Variants in CSMD1 observed in about 807,000 individuals in gnomAD.
CSMD1 encodes the protein CUB and Sushi multiple domains 1.
Under a neutral mutation model 417.5 loss-of-function variants are expected in CSMD1, and 213 were observed. The observed-to-expected ratio is 0.51, with a 90% CI of 0.46 to 0.57. CSMD1 has a LOEUF of 0.57. CSMD1 is among the 20% of genes least tolerant of loss of function. CSMD1 has a pLI of 0.00. For missense variants in CSMD1, 6,923 were observed against 4,529.7 expected, an observed-to-expected ratio of 1.53 and a Z score of -15.17; for synonymous variants, 2,862 against 1,736.8, an observed-to-expected ratio of 1.65 and a Z score of -16.11.
chr8:3,286,678 T>C lies in CSMD1; in HGVS notation c.3951-2332A>G, dbSNP rs184418044. 1.4e-3 allele frequency among the ~76,000 whole-genome samples: 207 copies of C among 147,934 alleles called. 2 individuals are homozygous for C. Among genetic ancestry groups the C allele is most frequent in the African/African-American group, 4.7e-3 (193 of 41,096 alleles). On this transcript the variant is annotated intron_variant, in intron 25 of 69. Transcript: ENST00000635120. The stretch of plus-strand genomic sequence containing the variant: ...CACCCACTTATTGAAGGGGTTGTTT[T>C]TTTCTTGTAAATTTGTTAGAGTTCA...
intron 12 of CSMD1, among the ~76,000 whole-genome samples, chr8:3,456,269 G>A (rs1198459421): frequency 1.3e-5 from 2 of 151,838 alleles, no homozygotes; most frequent in African/African-American, 2.4e-5. Flanking sequence ...TAGGTGGGGC[G>A]ATGCCTTGCC....
chr8:3,873,271 C>G (rs181579734), intron 5 of CSMD1, among the ~76,000 whole-genome samples: 2 of 152,164 alleles, frequency 1.3e-5, no homozygotes, highest in African/African-American at 4.8e-5. Context: ...CACTGCAGCT[C>G]TATTCACAAT....
intron 5 of CSMD1, among the ~76,000 whole-genome samples, chr8:3,864,643 G>A (rs774423945): frequency 1.7e-4 from 26 of 151,942 alleles, no homozygotes; most frequent in African/African-American, 5.1e-4. Context: ...AACAGGCCCC[G>A]GTGTGTGATG....
At position 4,253,739 on chromosome 8, in the gene CSMD1, T is replaced by C. The variant is rs146874715; in HGVS notation, c.415+166214A>G. 5.8e-3 allele frequency among the ~76,000 whole-genome samples: 882 copies of C among 151,358 alleles called. 10 individuals are homozygous for C. Among genetic ancestry groups the C allele is most frequent in the African/African-American group, 0.021 (845 of 41,204 alleles). ...TTAACTACACACATCAATTTTCTGGTTGTTCAATTATATACTTGAAAAAAA... is the reference window on the plus strand; with the variant it reads ...TTAACTACACACATCAATTTTCTGGCTGTTCAATTATATACTTGAAAAAAA... On this transcript the variant is annotated intron_variant, in intron 3 of 69. Transcript: ENST00000635120.
intron 3 of CSMD1, among the ~76,000 whole-genome samples, chr8:4,411,669 C>A (rs184688611): frequency 2.7e-4 from 41 of 152,276 alleles, no homozygotes; most frequent in Admixed American, 4.6e-4. Context: ...TCACAATTCA[C>A]ATTTTCTCCT....
At chr8:4,078,099 C>G (rs1250160983) in intron 3 of CSMD1, among the ~76,000 whole-genome samples, 1 of 152,096 alleles carries the variant, frequency 6.6e-6, no homozygotes, top group Non-Finnish European at 1.5e-5. Context: ...AGAGAGAAAT[C>G]TTCAAATAAT....
At chr8:4,846,467 G>A (rs570072718) in intron 1 of CSMD1, among the ~76,000 whole-genome samples, 1 of 152,154 alleles carries the variant, frequency 6.6e-6, no homozygotes, top group Non-Finnish European at 1.5e-5. Context: ...CTCTGTCTTG[G>A]TTGACTGAGC....
intron 4 of CSMD1, among the ~76,000 whole-genome samples, chr8:4,010,394 C>A (rs1816452349): frequency 6.6e-6 from 1 of 152,158 alleles, no homozygotes. Flanking sequence ...AGCCTCTTCA[C>A]CTCTACCTCT....
At chr8:3,181,466 T>A (rs149961606) in intron 36 of CSMD1, among the ~76,000 whole-genome samples, 2 of 152,198 alleles carry the variant, frequency 1.3e-5, no homozygotes, top group Non-Finnish European at 2.9e-5. Flanking sequence ...AAAACTCCTA[T>A]TGTAGCATGA....
chr8:3,625,387 G>C (rs908258699), intron 7 of CSMD1, among the ~76,000 whole-genome samples: 9 of 151,978 alleles, frequency 5.9e-5, no homozygotes, highest in Middle Eastern at 3.4e-3. Flanking sequence ...CATTTTCCAA[G>C]TGTTTAACTT....
chr8:3,531,468 G>A (rs1797978364), intron 10 of CSMD1, among the ~76,000 whole-genome samples: 2 of 152,018 alleles, frequency 1.3e-5, no homozygotes, highest in Admixed American at 1.3e-4. Context: ...AATATAAAAG[G>A]TGATCCTGTC....
chr8:4,742,168 C>T (rs1162909473), intron 1 of CSMD1, among the ~76,000 whole-genome samples: 2 of 150,954 alleles, frequency 1.3e-5, no homozygotes, highest in Non-Finnish European at 3.0e-5. Flanking sequence ...GTAGCTGGGA[C>T]TACAGGCGCC....
intron 2 of CSMD1, among the ~76,000 whole-genome samples, chr8:4,547,358 A>T (rs531626980): frequency 4.6e-4 from 70 of 152,328 alleles, no homozygotes; most frequent in African/African-American, 1.5e-3. Flanking sequence ...GAACTTTCTA[A>T]AACACGTATC....
intron 3 of CSMD1, among the ~76,000 whole-genome samples, chr8:4,131,582 G>C (rs1232447495): frequency 6.6e-6 from 1 of 151,928 alleles, no homozygotes; most frequent in Non-Finnish European, 1.5e-5. Flanking sequence ...TTGATAAACT[G>C]CATAGTCCCT....
intron 5 of CSMD1, among the ~76,000 whole-genome samples, chr8:3,897,083 T>A (rs1807420996): frequency 6.6e-6 from 1 of 152,170 alleles, no homozygotes; most frequent in Non-Finnish European, 1.5e-5. Context: ...TTTCCGAATG[T>A]TCCTTTCAAT....
chr8:3,354,883 A>AGATATGTCTATCTATAGATCTATCTATC (rs1808657041), intron 21 of CSMD1, among the ~76,000 whole-genome samples: 1 of 150,102 alleles, frequency 6.7e-6, no homozygotes, highest in African/African-American at 2.4e-5. Flanking sequence ...ATATATCTAT[A>AGATATGTCTATCTATAGATCTATCTATC]GATATGTCTA....
At chr8:3,992,667 G>C (rs891310507) in intron 5 of CSMD1, among the ~76,000 whole-genome samples, 10 of 152,128 alleles carry the variant, frequency 6.6e-5, no homozygotes, top group African/African-American at 1.9e-4. Flanking sequence ...TGTAGTCCCA[G>C]ATACAAGGAA....
At chr8:3,308,268 A>C in intron 24 of CSMD1, 44 bp downstream of exon 24, 24 of 1,474,966 alleles carry the variant, frequency 1.6e-5, no homozygotes, top group Non-Finnish European at 2.1e-5. Context: ...CAAGCACCCT[A>C]AGGCCTGGCT....
intron 2 of CSMD1, among the ~76,000 whole-genome samples, chr8:4,447,073 C>A (rs1798855488): frequency 6.6e-6 from 1 of 152,072 alleles, no homozygotes; most frequent in South Asian, 2.1e-4. Context: ...AGCCTAGCCT[C>A]AGTTATGACA....
Sources: gnomAD v4.1 joint callset for allele counts (sites outside exome capture counted in the v4.1 genomes callset) on GRCh38, gnomAD v4.1.1 for gene constraint, MANE v1.5 for transcripts, NCBI Gene and HGNC (gene_info 2026-07-23, HGNC 2026-07-21) for gene names.